Variants in NKAIN2 observed in about 807,000 individuals in gnomAD.
NKAIN2 encodes sodium/potassium-transporting ATPase subunit beta-1-interacting protein 2.
A neutral mutation model predicts 32.6 loss-of-function variants in NKAIN2; 14 were observed. That is an observed-to-expected ratio of 0.43 (90% CI 0.28 to 0.67). NKAIN2 has a LOEUF of 0.67. Among genes scored for constraint, NKAIN2 ranks in the 30% least tolerant of loss-of-function variants. The probability of loss-of-function intolerance (pLI) is 0.17; values close to 1 mark genes in which losing one functional copy is unlikely to be tolerated. For synonymous variants in NKAIN2, 80 were observed against 87.2 expected (o/e 0.92, Z 0.46); for missense variants, 198 against 258.3 (o/e 0.77, Z 1.60).
At chr6:124,247,407 G>T (rs1793464917) in intron 1 of NKAIN2, among the ~76,000 whole-genome samples, 1 of 152,118 alleles carries the variant, frequency 6.6e-6, no homozygotes, top group South Asian at 2.1e-4. Flanking sequence ...AAGTGAAAAA[G>T]CTATTTTATT....
chr6:123,950,429 A>G (rs1777272920), intron 1 of NKAIN2, among the ~76,000 whole-genome samples: 1 of 151,966 alleles, frequency 6.6e-6, no homozygotes. Context: ...ATCTGGTCTT[A>G]GACTTTTATT....
chr6:123,862,373 A>G (rs1249771043), intron 1 of NKAIN2, among the ~76,000 whole-genome samples: 1 of 152,086 alleles, frequency 6.6e-6, no homozygotes, highest in African/African-American at 2.4e-5. Context: ...TGCCCATGTT[A>G]TCATTTTCAT....
chr6:124,362,981 C>A lies in NKAIN2; in HGVS notation c.273+7634C>A, dbSNP rs561380058. Among the ~76,000 whole-genome samples the A allele has an allele frequency of 3.2e-3, 480 of 152,088 alleles. 2 individuals carry two copies. Among genetic ancestry groups the A allele is most frequent in the South Asian group, 9.8e-3 (47 of 4,818 alleles). Reference sequence around the variant, plus strand: ...TCCCGAGTAGCTGGGTTTACATATGCGTGCCACCACACTAGGCTAATTTTT... The same window carrying A: ...TCCCGAGTAGCTGGGTTTACATATGAGTGCCACCACACTAGGCTAATTTTT... On this transcript the variant is annotated intron_variant, in intron 3 of 6. Coordinates refer to ENST00000368417, the MANE Select transcript of NKAIN2 (RefSeq NM_001040214.3).
At chr6:124,682,734 G>A (rs1773681114) in intron 4 of NKAIN2, among the ~76,000 whole-genome samples, 1 of 152,026 alleles carries the variant, frequency 6.6e-6, no homozygotes, top group East Asian at 1.9e-4. Context: ...TATTAAGATT[G>A]ATATATTGGA....
chr6:124,472,237 G>GA (rs1777004318), intron 3 of NKAIN2, among the ~76,000 whole-genome samples: 1 of 152,068 alleles, frequency 6.6e-6, no homozygotes, highest in Non-Finnish European at 1.5e-5. Flanking sequence ...TGAATTTTTG[G>GA]AAAAATATCT....
At chr6:124,326,648 A>G (rs1797428934) in intron 2 of NKAIN2, among the ~76,000 whole-genome samples, 1 of 151,986 alleles carries the variant, frequency 6.6e-6, no homozygotes, top group South Asian at 2.1e-4. Flanking sequence ...TTTTTGTTTT[A>G]CTTCTAGCAG....
intron 1 of NKAIN2, among the ~76,000 whole-genome samples, chr6:124,265,040 A>G (rs1162670310): frequency 6.6e-6 from 1 of 152,212 alleles, no homozygotes; most frequent in Non-Finnish European, 1.5e-5. Context: ...AGCTGTATGT[A>G]TATTATATAG....
At chr6:123,819,202 C>G (rs888485180) in intron 1 of NKAIN2, among the ~76,000 whole-genome samples, 1 of 152,118 alleles carries the variant, frequency 6.6e-6, no homozygotes, top group South Asian at 2.1e-4. Context: ...CTGCAGTGCT[C>G]AGGGTGAAAA....
chr6:123,954,116 C>T (rs1264702901), intron 1 of NKAIN2, among the ~76,000 whole-genome samples: 1 of 152,200 alleles, frequency 6.6e-6, no homozygotes, highest in Non-Finnish European at 1.5e-5. Flanking sequence ...GCAGCAGTTA[C>T]TGTAGGCAAG....
intron 1 of NKAIN2, among the ~76,000 whole-genome samples, chr6:123,965,109 C>CT (rs1049442010): frequency 1.1e-4 from 16 of 151,930 alleles, no homozygotes; most frequent in African/African-American, 3.9e-4. Flanking sequence ...CATGAGTGCC[C>CT]TTTTTTTGAG....
At chr6:124,148,907 T>C (rs925461539) in intron 1 of NKAIN2, among the ~76,000 whole-genome samples, 5 of 152,196 alleles carry the variant, frequency 3.3e-5, no homozygotes, top group Non-Finnish European at 5.9e-5. Flanking sequence ...CTGCATTATA[T>C]TGCATTTCCA....
chr6:123,986,345 G>T (rs555021996), intron 1 of NKAIN2, among the ~76,000 whole-genome samples: 2 of 152,204 alleles, frequency 1.3e-5, no homozygotes, highest in South Asian at 2.1e-4. Flanking sequence ...TCGTAGAAGG[G>T]CCCACAGGAA....
intron 1 of NKAIN2, among the ~76,000 whole-genome samples, chr6:123,872,972 GT>G (rs1409097219): frequency 1.1e-4 from 17 of 152,264 alleles, no homozygotes; most frequent in African/African-American, 3.6e-4. Flanking sequence ...TTCAAAAAGT[GT>G]TTGTTGAGGA....
At chr6:124,598,676 G>GA (rs34291555) in intron 3 of NKAIN2, among the ~76,000 whole-genome samples, 98,126 of 142,084 alleles carry the variant, frequency 0.69, 34,295 homozygotes, top group Admixed American at 0.78. Context: ...TGAAGATTTT[G>GA]AAAAAAAAAA....
At chr6:124,708,560 C>G (rs927189923) in intron 4 of NKAIN2, among the ~76,000 whole-genome samples, 8 of 151,986 alleles carry the variant, frequency 5.3e-5, no homozygotes, top group South Asian at 2.1e-4. Flanking sequence ...TCCTTCACAT[C>G]CCTTGTAAGT....
intron 4 of NKAIN2, among the ~76,000 whole-genome samples, chr6:124,662,303 TTATATA>T (rs3051841): frequency 6.6e-6 from 1 of 150,764 alleles, no homozygotes; most frequent in Non-Finnish European, 1.5e-5. Context: ...AAAGAATAAT[TTATATA>T]TATATATATA....
At chr6:124,164,273 C>T (rs1486317993) in intron 1 of NKAIN2, among the ~76,000 whole-genome samples, 1 of 151,970 alleles carries the variant, frequency 6.6e-6, no homozygotes, top group Non-Finnish European at 1.5e-5. Context: ...ACCCACGTTT[C>T]CCAAACTGTG....
At chr6:123,894,793 G>A (rs1221182807) in intron 1 of NKAIN2, among the ~76,000 whole-genome samples, 1 of 152,026 alleles carries the variant, frequency 6.6e-6, no homozygotes, top group East Asian at 1.9e-4. Flanking sequence ...AGATTCCCCT[G>A]AACTCAACCT....
chr6:124,761,031 C>T (rs1778239871), intron 4 of NKAIN2, among the ~76,000 whole-genome samples: 1 of 152,116 alleles, frequency 6.6e-6, no homozygotes, highest in African/African-American at 2.4e-5. Context: ...GCCCTCAATT[C>T]CTTCTCTCAT....
Sources: gnomAD v4.1 joint callset for allele counts (sites outside exome capture counted in the v4.1 genomes callset) on GRCh38, gnomAD v4.1.1 for gene constraint, MANE v1.5 for transcripts, NCBI Gene and HGNC (gene_info 2026-07-23, HGNC 2026-07-21) for gene names.